Variants in GLCCI1 observed in about 807,000 individuals in gnomAD.
The protein encoded by GLCCI1 is glucocorticoid induced 1, also known as glucocorticoid-induced transcript 1 protein.
In GLCCI1, 24 loss-of-function variants were observed where a neutral mutation model predicts 52.2. The ratio of observed to expected loss-of-function variants is 0.46; its 90% CI spans 0.33 to 0.65. The LOEUF (loss-of-function observed/expected upper bound fraction) is 0.65. Among genes scored for constraint, GLCCI1 ranks in the 30% least tolerant of loss-of-function variants. GLCCI1 has a pLI of 0.02. For missense variants in GLCCI1, 704 were observed against 701.5 expected (o/e 1.00, Z -0.04); for synonymous variants, 310 against 276.5 (o/e 1.12, Z -1.20).
At chr7:7,996,143 T>G (rs1235585226) in intron 1 of GLCCI1, among the ~76,000 whole-genome samples, 1 of 152,214 alleles carries the variant, frequency 6.6e-6, no homozygotes, top group Non-Finnish European at 1.5e-5. Context: ...TGTGTTCCTT[T>G]TGCTTACAAT....
chr7:8,010,195 G>C (rs115222706), intron 2 of GLCCI1, among the ~76,000 whole-genome samples: 3,143 of 152,256 alleles, frequency 0.021, 110 homozygotes, highest in African/African-American at 0.071. Flanking sequence ...TAGAAGACAT[G>C]ATGGTGTTAA....
intron 2 of GLCCI1, among the ~76,000 whole-genome samples, chr7:8,016,899 A>C (rs1781391693): frequency 6.6e-6 from 1 of 152,250 alleles, no homozygotes; most frequent in South Asian, 2.1e-4. Context: ...TACTAGTATC[A>C]ACTATTGATT....
At chr7:8,003,774 C>T (rs778718635) in intron 1 of GLCCI1, 134 bp from the exon 2 acceptor site, 13 of 678,478 alleles carry the variant, frequency 1.9e-5, no homozygotes, top group East Asian at 2.7e-5. Context: ...TCTGATCATA[C>T]AACAGGGCTA....
At chr7:8,083,927 A>G (rs1783047899) in intron 6 of GLCCI1, among the ~76,000 whole-genome samples, 1 of 152,260 alleles carries the variant, frequency 6.6e-6, no homozygotes, top group African/African-American at 2.4e-5. Flanking sequence ...CAACTTATCA[A>G]AATTGTGATG....
chr7:8,032,687 TA>T (rs1336950030), intron 3 of GLCCI1, among the ~76,000 whole-genome samples: 1 of 151,992 alleles, frequency 6.6e-6, no homozygotes, highest in African/African-American at 2.4e-5. Flanking sequence ...TAGAAAGGTA[TA>T]AAGTGCCAAA....
At chr7:8,033,198 AAC>A (rs900241626) in intron 3 of GLCCI1, among the ~76,000 whole-genome samples, 1 of 151,416 alleles carries the variant, frequency 6.6e-6, no homozygotes, top group Admixed American at 6.6e-5. Flanking sequence ...GACAATATTC[AAC>A]AGTCATTCAT....
chr7:8,059,974 G>T, intron 4 of GLCCI1, 122 bp from the exon 5 acceptor site: 4 of 801,806 alleles, frequency 5.0e-6, no homozygotes, highest in Non-Finnish European at 5.8e-6. Flanking sequence ...GAATTTTATT[G>T]TATTTGAAAG....
intron 3 of GLCCI1, among the ~76,000 whole-genome samples, chr7:8,026,945 G>GA (rs369251485): frequency 6.6e-6 from 1 of 152,082 alleles, no homozygotes; most frequent in East Asian, 1.9e-4. Context: ...CTACAAATCT[G>GA]AAAAAAACAC....
At chr7:7,970,812 G>A (rs34955320) in intron 1 of GLCCI1, among the ~76,000 whole-genome samples, 3,224 of 152,270 alleles carry the variant, frequency 0.021, 56 homozygotes, top group East Asian at 0.081. Flanking sequence ...GTTAGATACC[G>A]AACTAGAGCT....
intron 3 of GLCCI1, among the ~76,000 whole-genome samples, chr7:8,035,464 T>G (rs771059111): frequency 1.3e-5 from 2 of 152,208 alleles, no homozygotes; most frequent in African/African-American, 4.8e-5. Flanking sequence ...ACAGCCATTC[T>G]AGGGCAATTA....
chr7:8,086,369 T>C lies in GLCCI1; in HGVS notation c.1475T>C (p.Leu492Pro). The change falls in exon 8 of 8, where the codon CTG (leucine) becomes CCG (proline). Residue 492 changes from leucine to proline, a missense_variant. By Grantham distance (98) the Leu-to-Pro change is moderately conservative. Around this residue, in one of 3 missense-constraint regions of GLCCI1, gnomAD observed 149 missense variants for 152.9 expected, o/e 0.97. Coordinates refer to ENST00000223145, the MANE Select transcript of GLCCI1 (RefSeq NM_138426.4). The surrounding 1 kb of genome is among the most constrained non-coding windows in gnomAD (Gnocchi z 4.4). Reference protein sequence around the residue: ...NSGQSSALATLTVEQLSSRVS... With the variant: ...NSGQSSALATPTVEQLSSRVS... ...GGCCAGAGCTCAGCTTTGGCAACTC[T>C]GACCGTTGAGCAGCTCTCATCCCGG... The C allele has an allele frequency of 6.2e-7, 1 of 1,614,182 alleles. No homozygotes were observed. Among genetic ancestry groups the C allele is most frequent in the Non-Finnish European group, 8.5e-7 (1 of 1,180,042 alleles).
At chr7:8,007,501 A>G (rs992385620) in intron 2 of GLCCI1, among the ~76,000 whole-genome samples, 2 of 152,216 alleles carry the variant, frequency 1.3e-5, no homozygotes, top group African/African-American at 4.8e-5. Context: ...CCTCACAAGC[A>G]TAAGAAATGG....
rs375910336 is a variant in GLCCI1, at chr7:8,086,494, C to T, written c.1600C>T (p.Gln534Ter). Residue 534 changes from glutamine to a stop codon, truncating the protein, a stop_gained, in exon 8 of 8, where the codon CAG (glutamine) becomes TAG (stop). Coordinates refer to ENST00000223145, the MANE Select transcript of GLCCI1 (RefSeq NM_138426.4). LOFTEE classifies it high-confidence loss of function. The surrounding 1 kb of genome is among the most constrained non-coding windows in gnomAD (Gnocchi z 4.4). Reference protein sequence around the residue: ...SQQQQLLQELQGEDHISAQNY... With the variant: ...SQQQQLLQEL ...GCAGCAGCAGCTCCTGCAGGAACTGCAGGGTGAGGACCACATCTCTGCTCA... is the reference window on the plus strand; with the variant it reads ...GCAGCAGCAGCTCCTGCAGGAACTGTAGGGTGAGGACCACATCTCTGCTCA... 3.7e-6 allele frequency: 6 copies of T among 1,613,680 alleles called. No individual in the cohort carries two copies. The African/African-American group carries it at 6.7e-5, about 18-fold the overall frequency.
chr7:8,013,155 A>T (rs1052076088), intron 2 of GLCCI1, among the ~76,000 whole-genome samples: 1 of 152,188 alleles, frequency 6.6e-6, no homozygotes, highest in Non-Finnish European at 1.5e-5. Context: ...ATTATGCCAT[A>T]ATTGGGAAAG....
At chr7:8,077,566 T>G (rs766089574) in intron 6 of GLCCI1, among the ~76,000 whole-genome samples, 3 of 152,228 alleles carry the variant, frequency 2.0e-5, no homozygotes, top group Non-Finnish European at 4.4e-5. Flanking sequence ...TCAATCGATC[T>G]GTATCTCCTC....
At chr7:8,049,681 T>C (rs1489654022) in intron 3 of GLCCI1, among the ~76,000 whole-genome samples, 1 of 152,182 alleles carries the variant, frequency 6.6e-6, no homozygotes, top group Non-Finnish European at 1.5e-5. Flanking sequence ...GCTTGTAATA[T>C]CTCCAGCATC....
intron 3 of GLCCI1, among the ~76,000 whole-genome samples, chr7:8,044,052 C>T (rs557069727): frequency 1.3e-5 from 2 of 151,748 alleles, no homozygotes; most frequent in Non-Finnish European, 2.9e-5. Context: ...TCACACCATT[C>T]TCCTGCCTCA....
intron 3 of GLCCI1, among the ~76,000 whole-genome samples, chr7:8,033,604 TATGA>T (rs967459193): frequency 4.6e-5 from 7 of 152,116 alleles, no homozygotes; most frequent in Non-Finnish European, 8.8e-5. Context: ...GGGTAGTAGC[TATGA>T]ATAATTAAAA....
intron 3 of GLCCI1, among the ~76,000 whole-genome samples, chr7:8,035,820 C>T (rs1781854804): frequency 6.6e-6 from 1 of 152,196 alleles, no homozygotes; most frequent in South Asian, 2.1e-4. Flanking sequence ...GGAGCTGAGG[C>T]AGTTCCCTCC....
Sources: allele counts gnomAD v4.1 joint callset (sites outside exome capture counted in the v4.1 genomes callset), GRCh38; gene constraint gnomAD v4.1.1; regional missense constraint gnomAD v4.1.1; non-coding constraint Gnocchi (gnomAD v3.1); transcripts MANE v1.5; gene names NCBI Gene and HGNC (gene_info 2026-07-23, HGNC 2026-07-21).